The following ABCB5 variants were observed in gnomAD, a reference collection of about 807,000 sequenced individuals.
ABCB5 encodes ATP-binding cassette sub-family B member 5.
ABCB5 carries 155 observed loss-of-function variants against 144.2 expected under a neutral mutation model. The ratio of observed to expected loss-of-function variants is 1.08; its 90% CI spans 0.94 to 1.23. The LOEUF is 1.23. Ranked by LOEUF, ABCB5 falls within the 50% of genes most tolerant of loss-of-function variation. The pLI, the probability that ABCB5 is intolerant of heterozygous loss-of-function variation, is 0.00. For missense variants in ABCB5, 1,830 were observed against 1,520.8 expected, an observed-to-expected ratio of 1.20 and a Z score of -3.38; for synonymous variants, 610 against 528.6, an observed-to-expected ratio of 1.15 and a Z score of -2.11.
At chr7:20,662,476 CACAA>C (rs1235898410) in intron 14 of ABCB5, among the ~76,000 whole-genome samples, 1 of 152,194 alleles carries the variant, frequency 6.6e-6, no homozygotes, top group African/African-American at 2.4e-5. Flanking sequence ...AAATTTTACA[CACAA>C]ACACACACAC....
At chr7:20,620,260 A>C (rs1215400979) in intron 1 of ABCB5, among the ~76,000 whole-genome samples, 2 of 152,234 alleles carry the variant, frequency 1.3e-5, no homozygotes, top group Admixed American at 6.5e-5. Flanking sequence ...ACTCAAAAAT[A>C]GGTTAAAGAC....
chr7:20,681,465 T>C, intron 14 of ABCB5, 40 bp from the exon 15 acceptor site: 6 of 1,606,606 alleles, frequency 3.7e-6, no homozygotes, highest in Middle Eastern at 1.7e-4. Flanking sequence ...TTGTTATTTC[T>C]ACTAATGTCT....
At chr7:20,755,169 G>A (rs377706445) in intron 27 of ABCB5, among the ~76,000 whole-genome samples, 3 of 152,120 alleles carry the variant, frequency 2.0e-5, no homozygotes, top group East Asian at 1.9e-4. Flanking sequence ...GGCTGGTCTC[G>A]AACTCCTGAC....
At chr7:20,652,478 G>A (rs887757772) in intron 13 of ABCB5, among the ~76,000 whole-genome samples, 2 of 152,186 alleles carry the variant, frequency 1.3e-5, no homozygotes, top group African/African-American at 2.4e-5. Flanking sequence ...GCTGAGGCAG[G>A]AGAATCACTT....
At chr7:20,712,109 C>T (rs1423919825) in intron 20 of ABCB5, among the ~76,000 whole-genome samples, 1 of 126,426 alleles carries the variant, frequency 7.9e-6, no homozygotes, top group Non-Finnish European at 1.6e-5. Context: ...GGCATGCTGG[C>T]AGGCACCTGT....
chr7:20,744,070 G>C (rs558535646), intron 25 of ABCB5, among the ~76,000 whole-genome samples: 6 of 151,702 alleles, frequency 4.0e-5, no homozygotes, highest in Non-Finnish European at 8.8e-5. Flanking sequence ...TTTTTGTTTT[G>C]TTTTGTTTTT....
In ABCB5 at chr7:20,711,860, TCCTTCCTCCCTC is replaced by T. The variant is rs1562573891; in HGVS notation, c.2421+7057_2421+7068del. On this transcript the variant is annotated intron_variant, in intron 20 of 27. Transcript: ENST00000404938. Reference sequence around the variant, plus strand: ...TCTTTCTTTCTTTTCTTTCTTTCTTTCCTTCCTCCCTCCCTCCCTCCCTCCCTCCCTCCTTCC... The same window carrying T: ...TCTTTCTTTCTTTTCTTTCTTTCTTTCCTCCCTCCCTCCCTCCCTCCTTCC... Among the ~76,000 whole-genome samples the T allele has an allele frequency of 1.4e-3, 67 of 49,286 alleles. 6 individuals are homozygous for T. Among genetic ancestry groups the T allele is most frequent in the Non-Finnish European group, 1.7e-3 (47 of 27,608 alleles). 32.3% of individuals were successfully genotyped at this position (49,286 alleles called of 152,430 possible). A position where few individuals can be genotyped will look rare whatever the true frequency, so the allele number is the denominator to read the frequency against.
intron 16 of ABCB5, among the ~76,000 whole-genome samples, chr7:20,697,306 C>T (rs937030167): frequency 2.6e-5 from 4 of 152,052 alleles, no homozygotes; most frequent in African/African-American, 9.7e-5. Flanking sequence ...GAGAATAGAA[C>T]GAGAATTATA....
chr7:20,678,780 C>A (rs1459116895), intron 14 of ABCB5, among the ~76,000 whole-genome samples: 1 of 152,172 alleles, frequency 6.6e-6, no homozygotes, highest in East Asian at 1.9e-4. Context: ...CAGTGACAGA[C>A]AAGCTGACCA....
At chr7:20,739,994 G>A (rs1782510590) in intron 24 of ABCB5, among the ~76,000 whole-genome samples, 1 of 152,180 alleles carries the variant, frequency 6.6e-6, no homozygotes, top group Non-Finnish European at 1.5e-5. Flanking sequence ...CACTTTGGGA[G>A]GCCGAGGTGG....
At position 20,646,035 on chromosome 7, in the gene ABCB5, C is replaced by T; in HGVS notation, c.878C>T (p.Ala293Val). 6.2e-7 allele frequency: 1 copy of T among 1,613,830 alleles called. No homozygotes were observed. Among genetic ancestry groups the T allele is most frequent in the East Asian group, 2.2e-5 (1 of 44,868 alleles). ...ATAGCTTCAAAAGTGTCTCTTGGTGCTGTGTACTTCTTTATGAATGGAACC... is the reference window on the plus strand; with the variant it reads ...ATAGCTTCAAAAGTGTCTCTTGGTGTTGTGTACTTCTTTATGAATGGAACC... ...RTIASKVSLG[A>V]VYFFMNGTYG... Residue 293 changes from alanine (A) to valine (V), a missense_variant, in exon 9 of 28, where the codon GCT becomes GTT. Transcript: ENST00000404938.
chr7:20,675,336 T>A (rs1296469977), intron 14 of ABCB5, among the ~76,000 whole-genome samples: 1 of 151,704 alleles, frequency 6.6e-6, no homozygotes, highest in South Asian at 2.1e-4. Flanking sequence ...CAGAAATAAA[T>A]GTATGCATAT....
intron 20 of ABCB5, 52 bp downstream of exon 20, chr7:20,704,859 T>C: frequency 7.1e-7 from 1 of 1,410,948 alleles, no homozygotes; most frequent in Non-Finnish European, 1.0e-6. Context: ...TGTGCACACA[T>C]GCAATGCACA....
At position 20,650,108 on chromosome 7, in the gene ABCB5, C is replaced by T. The variant is rs780098911; in HGVS notation, c.1293C>T (p.Val431=). Residue 431 remains valine, a synonymous_variant, in exon 12 of 28, where the codon GTC becomes GTT. Transcript: ENST00000404938. ...GLNGSGKSTV[V]QLLQRLYDPD... is the part of the protein sequence containing the mutation. Reference sequence around the variant, plus strand: ...ATGGCAGTGGGAAGAGTACGGTAGTCCAGCTTCTGCAGAGGTTATATGATC... The same window carrying T: ...ATGGCAGTGGGAAGAGTACGGTAGTTCAGCTTCTGCAGAGGTTATATGATC... The T allele has an allele frequency of 6.2e-7, 1 of 1,613,600 alleles. No individual in the cohort carries two copies. The highest frequency in any genetic ancestry group is 1.1e-5 in the South Asian group (1 of 91,068).
intron 14 of ABCB5, among the ~76,000 whole-genome samples, chr7:20,681,104 CTTTCTTTCTTT>C (rs1456352312): frequency 0.15 from 1,253 of 8,446 alleles, 184 homozygotes; most frequent in East Asian, 0.28. Context: ...TTCTTTCTTT[CTTTCTTTCTTT>C]CTTTCTTTCT....
Position 20,723,722 on chromosome 7 carries a change from T to C in ABCB5, c.2625+503T>C, listed in dbSNP as rs901417031. On this transcript the variant is annotated intron_variant, in intron 21 of 27. Transcript: ENST00000404938. ...ATCATCATTCCCCATTTTCTGGTCA[T>C]TGAATAATCAAATTTTCTTGAGCAA... Among the ~76,000 whole-genome samples, 8 of 152,248 alleles carry C rather than the reference T, an allele frequency of 5.3e-5. No homozygotes were observed. In the East Asian group the frequency reaches 5.8e-4, roughly 11 times the overall value.
At chr7:20,681,247 C>A (rs1785819192) in intron 14 of ABCB5, among the ~76,000 whole-genome samples, 1 of 151,914 alleles carries the variant, frequency 6.6e-6, no homozygotes, top group Admixed American at 6.6e-5. Context: ...CTGCCTCACC[C>A]TTCCAAGTAG....
intron 5 of ABCB5, among the ~76,000 whole-genome samples, chr7:20,639,503 T>C (rs1261094229): frequency 6.6e-6 from 1 of 152,218 alleles, no homozygotes; most frequent in Non-Finnish European, 1.5e-5. Context: ...CTATGATCCA[T>C]TTTGAGTTAA....
At chr7:20,706,227 TATC>T (rs1300557352) in intron 20 of ABCB5, among the ~76,000 whole-genome samples, 7 of 152,194 alleles carry the variant, frequency 4.6e-5, no homozygotes, top group Non-Finnish European at 8.8e-5. Flanking sequence ...CAGGCAGAAA[TATC>T]AATCCCTATA....
Sources: gnomAD v4.1 joint callset for allele counts (sites outside exome capture counted in the v4.1 genomes callset) on GRCh38, gnomAD v4.1.1 for gene constraint, MANE v1.5 for transcripts, NCBI Gene and HGNC (gene_info 2026-07-23, HGNC 2026-07-21) for gene names.